Variants in PEBP4 observed in about 807,000 individuals in gnomAD.
PEBP4 encodes the protein phosphatidylethanolamine-binding protein 4.
Under a neutral mutation model 23.9 loss-of-function variants are expected in PEBP4, and 22 were observed. The ratio of observed to expected loss-of-function variants is 0.92; its 90% CI spans 0.66 to 1.31. The LOEUF (loss-of-function observed/expected upper bound fraction) is 1.31, where lower values mean the gene tolerates loss of function less well. PEBP4 is among the 40% of genes most tolerant of loss of function. PEBP4 has a pLI of 0.00. For missense variants in PEBP4, 324 were observed against 281.7 expected, an observed-to-expected ratio of 1.15 and a Z score of -1.07; for synonymous variants, 112 against 99.3, an observed-to-expected ratio of 1.13 and a Z score of -0.76.
At chr8:22,862,554 G>A (rs1214792253) in intron 3 of PEBP4, among the ~76,000 whole-genome samples, 3 of 152,050 alleles carry the variant, frequency 2.0e-5, no homozygotes, top group Non-Finnish European at 4.4e-5. Flanking sequence ...TAGGATAGAG[G>A]GCTCTGGCAG....
intron 4 of PEBP4, among the ~76,000 whole-genome samples, chr8:22,794,291 G>A (rs562363840): frequency 1.8e-4 from 20 of 110,240 alleles, no homozygotes; most frequent in South Asian, 3.7e-4. Context: ...TGAGAGGTAC[G>A]CACAATTTTT....
chr8:22,914,010 CAG>C (rs1809011562), intron 3 of PEBP4, among the ~76,000 whole-genome samples: 2 of 128,450 alleles, frequency 1.6e-5, no homozygotes, highest in African/African-American at 3.0e-5. Flanking sequence ...TTTTTTGAGA[CAG>C]AGTCTTGCTC....
intron 3 of PEBP4, among the ~76,000 whole-genome samples, chr8:22,874,115 G>A (rs1808069100): frequency 6.6e-6 from 1 of 152,136 alleles, no homozygotes; most frequent in African/African-American, 2.4e-5. Flanking sequence ...AAAGTGTGGA[G>A]GCCACCAGAA....
chr8:22,813,968 A>G (rs1278295615), intron 4 of PEBP4, among the ~76,000 whole-genome samples: 3 of 152,234 alleles, frequency 2.0e-5, no homozygotes, highest in Non-Finnish European at 4.4e-5. Context: ...CTGTGAGGGC[A>G]GAGCCTTCCT....
At chr8:22,914,248 C>T (rs1809019142) in intron 3 of PEBP4, among the ~76,000 whole-genome samples, 1 of 152,134 alleles carries the variant, frequency 6.6e-6, no homozygotes. Flanking sequence ...TCCCAAAGTG[C>T]TGGGATTACA....
intron 4 of PEBP4, among the ~76,000 whole-genome samples, chr8:22,727,516 T>C (rs959954204): frequency 3.9e-5 from 6 of 152,074 alleles, no homozygotes; most frequent in Non-Finnish European, 8.8e-5. Context: ...AGAGAGGCCC[T>C]GTAGGACACT....
Position 22,727,190 on chromosome 8 carries a change from C to G in PEBP4, c.388G>C (p.Gly130Arg), listed in dbSNP as rs374657831. ...TCTTACTCACCTGATAACTCCTGGC[C>G]CTGAATCTTCCCTTTCTTCAGGTCG... Reference protein sequence around the residue: ...GADLKKGKIQGQELSAYQAPS... With the variant: ...GADLKKGKIQRQELSAYQAPS... Residue 130 changes from glycine (G) to arginine (R), a missense_variant, in exon 5 of 7, where the codon GGC becomes CGC. Physicochemically the swap from Gly to Arg is moderately radical, Grantham distance 125 (BLOSUM62 -2). Transcript: ENST00000256404. 1 of 1,613,930 alleles carries G rather than the reference C, an allele frequency of 6.2e-7. No individual in the cohort carries two copies. Among genetic ancestry groups the G allele is most frequent in the Non-Finnish European group, 8.5e-7 (1 of 1,179,962 alleles).
chr8:22,805,795 T>A (rs566491463), intron 4 of PEBP4, among the ~76,000 whole-genome samples: 2,455 of 151,748 alleles, frequency 0.016, 56 homozygotes, highest in African/African-American at 0.053. Context: ...TATTTTTTTT[T>A]AAAAAAAAGG....
At chr8:22,769,354 C>T (rs1805673254) in intron 4 of PEBP4, among the ~76,000 whole-genome samples, 1 of 152,234 alleles carries the variant, frequency 6.6e-6, no homozygotes, top group Admixed American at 6.5e-5. Context: ...GTTTTGAAGG[C>T]TCCTCCAGAG....
At chr8:22,728,796 C>A (rs900471550) in intron 4 of PEBP4, among the ~76,000 whole-genome samples, 1 of 152,110 alleles carries the variant, frequency 6.6e-6, no homozygotes, top group African/African-American at 2.4e-5. Context: ...TGGGGTTTTA[C>A]TATGTTGGTC....
At chr8:22,762,967 G>A (rs1805539795) in intron 4 of PEBP4, among the ~76,000 whole-genome samples, 1 of 152,010 alleles carries the variant, frequency 6.6e-6, no homozygotes, top group Non-Finnish European at 1.5e-5. Flanking sequence ...AAGGGCCAAG[G>A]AATAAAATGA....
intron 4 of PEBP4, among the ~76,000 whole-genome samples, chr8:22,786,148 C>T (rs1004434171): frequency 2.0e-5 from 3 of 152,270 alleles, no homozygotes; most frequent in East Asian, 1.9e-4. Context: ...AACACTAAAC[C>T]GTTTGTTCTG....
chr8:22,866,115 G>T (rs944410168), intron 3 of PEBP4, among the ~76,000 whole-genome samples: 1 of 152,244 alleles, frequency 6.6e-6, no homozygotes, highest in Non-Finnish European at 1.5e-5. Flanking sequence ...TTAGTTTTCA[G>T]AGCAATTCCA....
chr8:22,914,146 C>T (rs1809016419), intron 3 of PEBP4, among the ~76,000 whole-genome samples: 1 of 151,974 alleles, frequency 6.6e-6, no homozygotes, highest in Non-Finnish European at 1.5e-5. Flanking sequence ...TGCCACCACA[C>T]CCAGCTAAGT....
intron 4 of PEBP4, among the ~76,000 whole-genome samples, chr8:22,798,303 G>T (rs1009909060): frequency 1.3e-5 from 2 of 152,104 alleles, no homozygotes; most frequent in African/African-American, 4.8e-5. Context: ...CAACTTGCCG[G>T]TGAACACACC....
At chr8:22,805,429 C>A (rs566454047) in intron 4 of PEBP4, among the ~76,000 whole-genome samples, 2 of 152,350 alleles carry the variant, frequency 1.3e-5, no homozygotes, top group African/African-American at 2.4e-5. Flanking sequence ...CGGGTTCAAG[C>A]GATTCTCCTG....
At chr8:22,796,092 A>C (rs182042538) in intron 4 of PEBP4, among the ~76,000 whole-genome samples, 58 of 152,334 alleles carry the variant, frequency 3.8e-4, no homozygotes, top group African/African-American at 1.4e-3. Flanking sequence ...TATGGCGGAC[A>C]CTCGATACTT....
intron 3 of PEBP4, among the ~76,000 whole-genome samples, chr8:22,851,296 C>A (rs547884784): frequency 6.4e-4 from 98 of 152,236 alleles, no homozygotes; most frequent in African/African-American, 2.2e-3. Context: ...GAGTTCCAGG[C>A]GCACCAGTTA....
chr8:22,752,855 A>G (rs1411913284), intron 4 of PEBP4, among the ~76,000 whole-genome samples: 1 of 152,234 alleles, frequency 6.6e-6, no homozygotes, highest in Non-Finnish European at 1.5e-5. Context: ...GCATTAGGAC[A>G]TGATAGTCAA....
Sources: gnomAD v4.1 joint callset for allele counts (sites outside exome capture counted in the v4.1 genomes callset) on GRCh38, gnomAD v4.1.1 for gene constraint, MANE v1.5 for transcripts, NCBI Gene and HGNC (gene_info 2026-07-23, HGNC 2026-07-21) for gene names.